Variants in ARID1B observed in about 807,000 individuals in gnomAD.
The protein encoded by ARID1B is AT-rich interactive domain-containing protein 1B.
ARID1B carries 30 observed loss-of-function variants against 212.3 expected under a neutral mutation model. The observed-to-expected ratio is 0.14, with a 90% CI of 0.11 to 0.19. ARID1B has a LOEUF of 0.19. ARID1B is among the 10% of genes least tolerant of loss of function. ARID1B has a pLI of 1.00. For synonymous variants in ARID1B, 1,402 were observed against 1,301.7 expected (o/e 1.08, Z -1.66); for missense variants, 2,891 against 3,204.0 (o/e 0.90, Z 2.36).
intron 4 of ARID1B, among the ~76,000 whole-genome samples, chr6:157,011,544 T>A (rs1404513325): frequency 6.6e-6 from 1 of 152,242 alleles, no homozygotes; most frequent in East Asian, 1.9e-4. Flanking sequence ...AAATTCATTT[T>A]AAAGTCTTGA....
At chr6:157,041,508 T>C (rs1308768343) in intron 4 of ARID1B, among the ~76,000 whole-genome samples, 1 of 152,220 alleles carries the variant, frequency 6.6e-6, no homozygotes, top group Non-Finnish European at 1.5e-5. Flanking sequence ...ACTAATCTAA[T>C]AAGTTACTTC....
At chr6:157,137,844 T>G (rs375598494) in intron 7 of ARID1B, among the ~76,000 whole-genome samples, 1 of 152,148 alleles carries the variant, frequency 6.6e-6, no homozygotes, top group African/African-American at 2.4e-5. Flanking sequence ...GACTTACAAG[T>G]AGGTGTAAAT....
At chr6:157,062,702 A>G (rs1783419575) in intron 4 of ARID1B, among the ~76,000 whole-genome samples, 1 of 122,344 alleles carries the variant, frequency 8.2e-6, no homozygotes, top group South Asian at 2.3e-4. Context: ...ATATATATAT[A>G]TATATTTTTT....
chr6:156,903,675 A>G (rs1379287216), intron 3 of ARID1B, among the ~76,000 whole-genome samples: 1 of 152,228 alleles, frequency 6.6e-6, no homozygotes, highest in Non-Finnish European at 1.5e-5. Flanking sequence ...CAAAGTAAAA[A>G]TTACCATTAA....
rs1043899004 is a variant in ARID1B, at chr6:157,178,871, A to C, written c.3505-2098A>C. 2.0e-5 allele frequency among the ~76,000 whole-genome samples: 3 copies of C among 152,344 alleles called. No homozygotes were observed. The South Asian group carries it at 6.2e-4, about 32-fold the overall frequency. On this transcript the variant is annotated intron_variant, in intron 11 of 19. Coordinates refer to ENST00000636930, the MANE Select transcript of ARID1B (RefSeq NM_001374828.1). The stretch of plus-strand genomic sequence containing the variant: ...GCCCCGTTGCTCTGTTCATGATTCT[A>C]TTCATCCAGAACCACTCCCCAGTTT...
chr6:157,037,138 A>G (rs1012075417), intron 4 of ARID1B, among the ~76,000 whole-genome samples: 2 of 152,250 alleles, frequency 1.3e-5, no homozygotes, highest in Non-Finnish European at 2.9e-5. Flanking sequence ...TTAAATTTCA[A>G]TTCGGCATAG....
At chr6:156,897,762 G>A (rs1270665371) in intron 2 of ARID1B, among the ~76,000 whole-genome samples, 2 of 152,104 alleles carry the variant, frequency 1.3e-5, no homozygotes, top group East Asian at 1.9e-4. Flanking sequence ...CAAGGACACC[G>A]TGCTGCTGTT....
intron 5 of ARID1B, among the ~76,000 whole-genome samples, chr6:157,095,271 A>G (rs1785534545): frequency 6.6e-6 from 1 of 152,198 alleles, no homozygotes; most frequent in Non-Finnish European, 1.5e-5. Context: ...GCCACACAAC[A>G]TGCCTGGGAA....
chr6:157,167,253 T>G (rs778302128), intron 9 of ARID1B, 68 bp downstream of exon 9: 125 of 1,532,884 alleles, frequency 8.2e-5, no homozygotes, highest in Non-Finnish European at 1.1e-4. Flanking sequence ...GCTCCACCAG[T>G]GAATCTGCCT....
intron 5 of ARID1B, among the ~76,000 whole-genome samples, chr6:157,096,510 T>C (rs1261221341): frequency 6.6e-6 from 1 of 152,216 alleles, no homozygotes; most frequent in Non-Finnish European, 1.5e-5. Context: ...TTGCCGAATA[T>C]TTAGTCCAAT....
intron 11 of ARID1B, among the ~76,000 whole-genome samples, chr6:157,177,948 G>A (rs1327696886): frequency 6.6e-6 from 1 of 152,204 alleles, no homozygotes; most frequent in Non-Finnish European, 1.5e-5. Context: ...AGGACAGTAT[G>A]TTTGGAGCCT....
chr6:157,000,538 A>G (rs1446588325), intron 4 of ARID1B, among the ~76,000 whole-genome samples: 1 of 152,072 alleles, frequency 6.6e-6, no homozygotes, highest in South Asian at 2.1e-4. Context: ...CTAAAATCCT[A>G]ATTTCACATG....
chr6:157,089,358 C>T (rs1785140721), intron 5 of ARID1B, among the ~76,000 whole-genome samples: 1 of 152,110 alleles, frequency 6.6e-6, no homozygotes, highest in Non-Finnish European at 1.5e-5. Context: ...GCAGATTTGC[C>T]CTCCTATCTT....
At chr6:157,182,739 G>A (rs113438743) in intron 12 of ARID1B, among the ~76,000 whole-genome samples, 1 of 152,174 alleles carries the variant, frequency 6.6e-6, no homozygotes, top group Non-Finnish European at 1.5e-5. Context: ...CAGCTGCTAA[G>A]TCGTGTGATA....
intron 2 of ARID1B, among the ~76,000 whole-genome samples, chr6:156,868,222 A>C (rs1047793172): frequency 1.3e-5 from 2 of 152,328 alleles, no homozygotes; most frequent in African/African-American, 4.8e-5. Context: ...AAGCTCAATC[A>C]TTCTTCTTCC....
rs565909061 is a variant in ARID1B, at chr6:157,138,134, G to T, written c.2761+4927G>T. 2.7e-4 allele frequency among the ~76,000 whole-genome samples: 41 copies of T among 152,282 alleles called. No homozygotes were observed. The South Asian group carries it at 3.3e-3, about 12-fold the overall frequency. ...GCCCCTGGCTACTTGTGGGTACCTT[G>T]TAGGCCCTGCAGTCACTGAGACCCA... On this transcript the variant is annotated intron_variant, in intron 7 of 19. Coordinates refer to ENST00000636930, the MANE Select transcript of ARID1B (RefSeq NM_001374828.1).
intron 4 of ARID1B, among the ~76,000 whole-genome samples, chr6:157,055,211 C>A (rs1017659191): frequency 2.6e-5 from 4 of 152,212 alleles, no homozygotes; most frequent in African/African-American, 9.7e-5. Flanking sequence ...CCTTCTACTT[C>A]AAGCCAGATC....
chr6:156,922,324 C>T (rs753054552), intron 3 of ARID1B, among the ~76,000 whole-genome samples: 2 of 152,018 alleles, frequency 1.3e-5, no homozygotes, highest in African/African-American at 2.4e-5. Context: ...AGGTGCATGC[C>T]ACCGTGCCCA....
chr6:156,975,783 T>C (rs1693289284), intron 4 of ARID1B, among the ~76,000 whole-genome samples: 1 of 152,140 alleles, frequency 6.6e-6, no homozygotes, highest in Non-Finnish European at 1.5e-5. Flanking sequence ...GCCACCACAG[T>C]GGTGCATGTC....
Sources: gnomAD v4.1 joint callset for allele counts (sites outside exome capture counted in the v4.1 genomes callset) on GRCh38, gnomAD v4.1.1 for gene constraint, MANE v1.5 for transcripts, NCBI Gene and HGNC (gene_info 2026-07-23, HGNC 2026-07-21) for gene names.